SMARCAL1: variants seen among roughly 807,000 people sequenced by gnomAD.
The protein encoded by SMARCAL1 is ATP-driven annealing helicase.
In SMARCAL1, 58 loss-of-function variants were observed where a neutral mutation model predicts 94.5. The ratio of observed to expected loss-of-function variants is 0.61; its 90% CI spans 0.50 to 0.76. SMARCAL1 has a LOEUF of 0.76. Ranked by LOEUF, SMARCAL1 falls within the 30% of genes least tolerant of loss-of-function variation. The pLI is 0.00. For synonymous variants in SMARCAL1, 422 were observed against 455.1 expected (o/e 0.93, Z 0.93); for missense variants, 1,051 against 1,177.9 (o/e 0.89, Z 1.58).
At chr2:216,433,505 C>T (rs1694010037) in intron 8 of SMARCAL1, among the ~76,000 whole-genome samples, 1 of 152,184 alleles carries the variant, frequency 6.6e-6, no homozygotes, top group African/African-American at 2.4e-5. Context: ...AGAGGTTAAG[C>T]TCCATGCTTC....
At chr2:216,414,573 T>G in intron 2 of SMARCAL1, 74 bp from the exon 3 acceptor site, 1 of 803,940 alleles carries the variant, frequency 1.2e-6, no homozygotes, top group Non-Finnish European at 2.1e-6. Flanking sequence ...GACAAAAGCT[T>G]GTTAAAATCA....
chr2:216,432,972 T>C, intron 8 of SMARCAL1, 104 bp downstream of exon 8: 1 of 1,440,248 alleles, frequency 6.9e-7, no homozygotes, highest in Non-Finnish European at 9.7e-7. Context: ...TTAAGGATCC[T>C]GTCTCAAGTA....
intron 12 of SMARCAL1, among the ~76,000 whole-genome samples, chr2:216,460,438 A>G (rs546707890): frequency 2.1e-4 from 32 of 152,278 alleles, no homozygotes; most frequent in Middle Eastern, 3.4e-3. Context: ...AACCAACCCA[A>G]ATGTCCAACA....
intron 14 of SMARCAL1, among the ~76,000 whole-genome samples, chr2:216,472,262 C>T (rs557736741): frequency 2.1e-4 from 32 of 152,106 alleles, no homozygotes; most frequent in Middle Eastern, 3.4e-3. Context: ...GGCTGAGACA[C>T]GAGAATTGCT....
At chr2:216,415,926 T>C (rs1693591248) in intron 3 of SMARCAL1, 2 of 410,532 alleles carry the variant, frequency 4.9e-6, no homozygotes, top group Non-Finnish European at 9.1e-6. Context: ...TGTGACTAGC[T>C]CAATTACAGG....
rs1337475649 is a variant in SMARCAL1 at position 216,415,523 on chromosome 2, C to T, written c.811+8C>T. The T allele has an allele frequency of 1.4e-6, 2 of 1,454,728 alleles. No individual in the cohort carries two copies. The highest frequency in any genetic ancestry group is 1.7e-5 in the Admixed American group (1 of 58,268). The allele number at this position is 1,454,728 out of a possible 1,614,324, so 90.1% of individuals were successfully genotyped here. A position where few individuals can be genotyped will look rare whatever the true frequency, so the allele number is the denominator to read the frequency against. On this transcript the variant is annotated splice_region_variant and intron_variant, in intron 3 of 17. Coordinates refer to ENST00000357276, the MANE Select transcript of SMARCAL1 (RefSeq NM_014140.4). ...TGCCCAGCAAGAATTATGGTAATGT[C>T]TTCATTTTTCAGCTGTTTTTTTTTT...
chr2:216,471,356 ATTT>A (rs200528251), intron 14 of SMARCAL1, among the ~76,000 whole-genome samples: 2 of 143,222 alleles, frequency 1.4e-5, no homozygotes, highest in Non-Finnish European at 1.5e-5. Context: ...CAGTGATTAA[ATTT>A]TTTTTTTTTT....
intron 10 of SMARCAL1, among the ~76,000 whole-genome samples, chr2:216,440,604 C>A (rs1183891089): frequency 6.6e-6 from 1 of 152,190 alleles, no homozygotes; most frequent in African/African-American, 2.4e-5. Flanking sequence ...GGGCCACGCT[C>A]TTCCGCAACG....
intron 12 of SMARCAL1, 29 bp from the exon 13 acceptor site, chr2:216,464,568 C>A: frequency 6.4e-7 from 1 of 1,558,112 alleles, no homozygotes; most frequent in Non-Finnish European, 8.9e-7. Context: ...GACTGGGGCA[C>A]TTAACATTCT....
At chr2:216,472,424 A>T (rs1307074769) in intron 14 of SMARCAL1, among the ~76,000 whole-genome samples, 1 of 152,150 alleles carries the variant, frequency 6.6e-6, no homozygotes, top group East Asian at 1.9e-4. Context: ...AATATATACC[A>T]GTACATTAAT....
chr2:216,420,220 C>G (rs987623016), intron 4 of SMARCAL1, 79 bp from the exon 5 acceptor site: 21 of 1,187,484 alleles, frequency 1.8e-5, no homozygotes, highest in Middle Eastern at 4.9e-4. Flanking sequence ...CACTTTCTCC[C>G]TCTTCCCTTG....
At chr2:216,415,917 G>A (rs1353728727) in intron 3 of SMARCAL1, 1 of 406,184 alleles carries the variant, frequency 2.5e-6, no homozygotes, top group Non-Finnish European at 4.6e-6. Flanking sequence ...GCGTCAGGAT[G>A]TGACTAGCTC....
rs201188997 is a variant in SMARCAL1 at position 216,450,826 on chromosome 2, C to T, written c.1852-20C>T. 2.7e-5 allele frequency: 44 copies of T among 1,602,944 alleles called. No individual in the cohort carries two copies. Among genetic ancestry groups the T allele is most frequent in the East Asian group, 4.5e-5 (2 of 44,848 alleles). ...CCTGAAAGGAGCCTCATGGGGCTGT[C>T]GCTGTCTTGTTCTCTGCAGATGCCT... On this transcript the variant is annotated intron_variant, in intron 11 of 17. Coordinates refer to ENST00000357276, the MANE Select transcript of SMARCAL1 (RefSeq NM_014140.4).
Position 216,439,640 on chromosome 2 carries a change from C to T in SMARCAL1, c.1710+1155C>T, listed in dbSNP as rs142418787. On this transcript the variant is annotated intron_variant, in intron 10 of 17. Coordinates refer to ENST00000357276, the MANE Select transcript of SMARCAL1 (RefSeq NM_014140.4). Reference sequence around the variant, plus strand: ...ATTTGAACATTAATCTTAACATTTCCTCACAAAACACACGTAAGTGTCCAC... The same window carrying T: ...ATTTGAACATTAATCTTAACATTTCTTCACAAAACACACGTAAGTGTCCAC... Among the ~76,000 whole-genome samples the T allele has an allele frequency of 2.6e-3, 394 of 152,290 alleles. 1 individual carries two copies. Among genetic ancestry groups the T allele is most frequent in the African/African-American group, 8.8e-3 (366 of 41,568 alleles).
At chr2:216,433,878 G>A (rs375154068) in intron 8 of SMARCAL1, among the ~76,000 whole-genome samples, 20 of 150,982 alleles carry the variant, frequency 1.3e-4, no homozygotes, top group Admixed American at 5.3e-4. Flanking sequence ...TCCTACTGCC[G>A]GTCAGTCCAA....
At chr2:216,454,264 G>C (rs1413771254) in intron 12 of SMARCAL1, among the ~76,000 whole-genome samples, 1 of 152,202 alleles carries the variant, frequency 6.6e-6, no homozygotes, top group African/African-American at 2.4e-5. Context: ...GGTCTGCACA[G>C]TTTGGGGGAG....
At chr2:216,436,584 T>G (rs1402161498) in intron 9 of SMARCAL1, among the ~76,000 whole-genome samples, 1 of 152,224 alleles carries the variant, frequency 6.6e-6, no homozygotes. Context: ...CAAAGTGATA[T>G]AGGTAATGAG....
At chr2:216,443,132 A>G (rs1225953619) in intron 10 of SMARCAL1, among the ~76,000 whole-genome samples, 1 of 152,104 alleles carries the variant, frequency 6.6e-6, no homozygotes, top group African/African-American at 2.4e-5. Flanking sequence ...TAATCCTACC[A>G]CTTTGGGAAG....
At chr2:216,481,442 C>T (rs879754104) in intron 17 of SMARCAL1, among the ~76,000 whole-genome samples, 27 of 151,976 alleles carry the variant, frequency 1.8e-4, no homozygotes, top group Non-Finnish European at 3.5e-4. Flanking sequence ...ATGATCCCCC[C>T]GCCTCGGCCT....
Sources: allele counts gnomAD v4.1 joint callset (sites outside exome capture counted in the v4.1 genomes callset), GRCh38; gene constraint gnomAD v4.1.1; transcripts MANE v1.5; gene names NCBI Gene and HGNC (gene_info 2026-07-23, HGNC 2026-07-21).